STAG1: variants seen among roughly 807,000 people sequenced by gnomAD.
The protein encoded by STAG1 is cohesin subunit SA-1.
A neutral mutation model predicts 170.9 loss-of-function variants in STAG1; 26 were observed. That is an observed-to-expected ratio of 0.15 (90% CI 0.11 to 0.21). The LOEUF is 0.21. Among genes scored for constraint, STAG1 ranks in the 10% least tolerant of loss-of-function variants. The probability of loss-of-function intolerance (pLI) is 1.00; values close to 1 mark genes in which losing one functional copy is unlikely to be tolerated. For missense variants in STAG1, 964 were observed against 1,509.5 expected (o/e 0.64, Z 5.99); for synonymous variants, 514 against 497.7 (o/e 1.03, Z -0.44).
chr3:136,676,891 A>T (rs1253860358), intron 1 of STAG1, among the ~76,000 whole-genome samples: 2 of 152,114 alleles, frequency 1.3e-5, no homozygotes, highest in Non-Finnish European at 2.9e-5. Context: ...TGCCTTAAAA[A>T]CTAAGGCACA....
chr3:136,475,690 T>G (rs145389104), intron 10 of STAG1, among the ~76,000 whole-genome samples: 83 of 152,336 alleles, frequency 5.4e-4, no homozygotes, highest in African/African-American at 1.9e-3. Context: ...TGTTAGGATT[T>G]TCACTTTTAG....
At chr3:136,731,752 G>A (rs1020832223) in intron 1 of STAG1, among the ~76,000 whole-genome samples, 30 of 152,176 alleles carry the variant, frequency 2.0e-4, no homozygotes, top group African/African-American at 6.8e-4. Flanking sequence ...AAAATTACAC[G>A]AAAACACTTG....
At chr3:136,455,455 T>C (rs1187173702) in intron 13 of STAG1, among the ~76,000 whole-genome samples, 8 of 152,114 alleles carry the variant, frequency 5.3e-5, no homozygotes, top group African/African-American at 1.4e-4. Flanking sequence ...AAGTGGAAAA[T>C]TGCTCTCCTT....
At chr3:136,535,380 G>A (rs1935568802) in intron 6 of STAG1, among the ~76,000 whole-genome samples, 1 of 152,178 alleles carries the variant, frequency 6.6e-6, no homozygotes, top group African/African-American at 2.4e-5. Context: ...AGCTAGGAGA[G>A]AGCTGGGTGC....
At chr3:136,582,805 A>T (rs1937619725) in intron 4 of STAG1, among the ~76,000 whole-genome samples, 5 of 152,344 alleles carry the variant, frequency 3.3e-5, no homozygotes, top group Admixed American at 3.3e-4. Context: ...TGTCAAAAAA[A>T]TAAATAAATA....
chr3:136,341,059 C>T (rs1044018107), intron 31 of STAG1, among the ~76,000 whole-genome samples: 3 of 152,162 alleles, frequency 2.0e-5, no homozygotes, highest in Non-Finnish European at 4.4e-5. Flanking sequence ...TAGGCGCCCA[C>T]CACCATGCCC....
At chr3:136,472,612 T>C in intron 11 of STAG1, 120 bp from the exon 12 acceptor site, 3 of 633,564 alleles carry the variant, frequency 4.7e-6, no homozygotes, top group East Asian at 2.8e-5. Flanking sequence ...TAAAAAGCTT[T>C]ACTCTTGAAA....
At chr3:136,605,550 T>C (rs1938891224) in intron 3 of STAG1, among the ~76,000 whole-genome samples, 1 of 152,184 alleles carries the variant, frequency 6.6e-6, no homozygotes, top group Admixed American at 6.6e-5. Flanking sequence ...TTCAGTTATC[T>C]TTCCCCTCCC....
Position 136,377,741 on chromosome 3 carries a change from C to G in STAG1, c.2289G>C (p.Leu763Phe). 6.2e-7 allele frequency: 1 copy of G among 1,613,840 alleles called. No homozygotes were observed. The highest frequency in any genetic ancestry group is 8.5e-7 in the Non-Finnish European group (1 of 1,179,826). ...TDGSPSKEDL[L>F]VLRKTVKSFL... ...AGGATTTCACCGTTTTCCTCAATAC[C>G]AACAAATCCTCCTGTAAGACACATT... The change falls in exon 23 of 34, where the codon TTG (leucine) becomes TTC (phenylalanine). Residue 763 changes from leucine to phenylalanine, a missense_variant. By Grantham distance (22) the Leu-to-Phe change is conservative. Transcript: ENST00000383202.
chr3:136,446,290 T>C (rs1350246532), intron 14 of STAG1, among the ~76,000 whole-genome samples: 1 of 152,234 alleles, frequency 6.6e-6, no homozygotes, highest in African/African-American at 2.4e-5. Flanking sequence ...CTTATACTCC[T>C]CTTTTCCTTT....
intron 16 of STAG1, among the ~76,000 whole-genome samples, chr3:136,431,186 G>GGCTC (rs1277157266): frequency 3.9e-5 from 6 of 152,000 alleles, no homozygotes. Flanking sequence ...CTGCAGGAGT[G>GGCTC]AGCCACTGCA....
At chr3:136,677,857 C>T (rs934648813) in intron 1 of STAG1, among the ~76,000 whole-genome samples, 4 of 148,794 alleles carry the variant, frequency 2.7e-5, no homozygotes, top group Non-Finnish European at 5.9e-5. Context: ...GATTAAAATA[C>T]TCTCAACATC....
intron 1 of STAG1, among the ~76,000 whole-genome samples, chr3:136,646,087 T>A (rs1941000748): frequency 2.0e-5 from 3 of 152,194 alleles, no homozygotes. Flanking sequence ...TGGCATCTGC[T>A]CCTCAGTTTC....
chr3:136,340,252 A>C (rs1022722414), intron 32 of STAG1, among the ~76,000 whole-genome samples: 1 of 152,046 alleles, frequency 6.6e-6, no homozygotes, highest in Non-Finnish European at 1.5e-5. Flanking sequence ...CCTCCCAAGT[A>C]GCTGGGATTA....
At chr3:136,447,656 G>A (rs1345874372) in intron 14 of STAG1, among the ~76,000 whole-genome samples, 4 of 143,344 alleles carry the variant, frequency 2.8e-5, no homozygotes, top group Non-Finnish European at 6.0e-5. Flanking sequence ...GCCCAGGCTG[G>A]AGGGCAGTGG....
At chr3:136,539,962 A>G (rs1326751328) in intron 6 of STAG1, among the ~76,000 whole-genome samples, 1 of 152,154 alleles carries the variant, frequency 6.6e-6, no homozygotes, top group Non-Finnish European at 1.5e-5. Flanking sequence ...TAAAATTTAA[A>G]TGATTATTCC....
intron 1 of STAG1, among the ~76,000 whole-genome samples, chr3:136,666,235 C>T (rs113269445): frequency 1.2e-3 from 177 of 151,880 alleles, no homozygotes; most frequent in African/African-American, 2.5e-3. Flanking sequence ...ACAATCTGAA[C>T]AATCAAGGAA....
rs1246084173 is a variant in STAG1, at chr3:136,605,543, A to G, written c.133-1070T>C. Among the ~76,000 whole-genome samples the G allele has an allele frequency of 2.6e-5, 4 of 152,108 alleles. No individual in the cohort carries two copies. The East Asian group carries it at 7.7e-4, about 29-fold the overall frequency. ...GACAAGACTTTTTTCCTTTCCTTTC[A>G]GTTATCTTTCCCCTCCCTGTATTTC... is the stretch of plus-strand genomic sequence containing the variant. On this transcript the variant is annotated intron_variant, in intron 3 of 33. Coordinates refer to ENST00000383202, the MANE Select transcript of STAG1 (RefSeq NM_005862.3).
chr3:136,714,976 A>ATT (rs1173297855), intron 1 of STAG1, among the ~76,000 whole-genome samples: 1 of 108,794 alleles, frequency 9.2e-6, no homozygotes, highest in East Asian at 2.2e-4. Context: ...TTATATATAT[A>ATT]TTTTTATATA....
Sources: gnomAD v4.1 joint callset for allele counts (sites outside exome capture counted in the v4.1 genomes callset) on GRCh38, gnomAD v4.1.1 for gene constraint, MANE v1.5 for transcripts, NCBI Gene and HGNC (gene_info 2026-07-23, HGNC 2026-07-21) for gene names.